Variants in TTLL10 observed in about 807,000 individuals in gnomAD.
TTLL10 encodes inactive polyglycylase TTLL10.
In TTLL10, 61 loss-of-function variants were observed where a neutral mutation model predicts 69.0. The observed-to-expected ratio is 0.88, with a 90% CI of 0.72 to 1.09. The LOEUF (loss-of-function observed/expected upper bound fraction) is 1.09, where lower values mean the gene tolerates loss of function less well. Among genes scored for constraint, TTLL10 ranks in the 50% least tolerant of loss-of-function variants. The pLI, the probability that TTLL10 is intolerant of heterozygous loss-of-function variation, is 0.00. For synonymous variants in TTLL10, 408 were observed against 393.3 expected, an observed-to-expected ratio of 1.04 and a Z score of -0.44; for missense variants, 962 against 945.9, an observed-to-expected ratio of 1.02 and a Z score of -0.22.
In TTLL10 at chr1:1,179,756, G is replaced by A. The variant is rs572766092; in HGVS notation, c.199+19G>A. The A allele has an allele frequency of 2.4e-4, 371 of 1,540,834 alleles. 1 individual carries two copies. The highest frequency in any genetic ancestry group is 3.0e-4 in the Non-Finnish European group (345 of 1,142,714). Reference sequence around the variant, plus strand: ...CCTGTTGGTGAGGAGGGTCGGAGGGGCGACCTCCCTGCCCCCTGCTCCAAG... The same window carrying A: ...CCTGTTGGTGAGGAGGGTCGGAGGGACGACCTCCCTGCCCCCTGCTCCAAG... On this transcript the variant is annotated intron_variant, in intron 5 of 15. Transcript: ENST00000379289.
intron 11 of TTLL10, among the ~76,000 whole-genome samples, chr1:1,183,577 C>T (rs1176900728): frequency 6.6e-6 from 1 of 152,232 alleles, no homozygotes; most frequent in Non-Finnish European, 1.5e-5. Context: ...GGCGAGCTCT[C>T]CGCCTGGCGC....
chr1:1,197,291 C>T, intron 15 of TTLL10, 105 bp downstream of exon 15: 1 of 1,334,514 alleles, frequency 7.5e-7, no homozygotes, highest in Non-Finnish European at 1.0e-6. Flanking sequence ...GCTCTTCCAC[C>T]TCCCGAGGGC....
intron 13 of TTLL10, 195 bp from the exon 14 acceptor site, chr1:1,196,405 G>A: frequency 1.7e-6 from 1 of 590,026 alleles, no homozygotes. Flanking sequence ...CAGGACAGGA[G>A]CTGCACGAGT....
intron 13 of TTLL10, among the ~76,000 whole-genome samples, chr1:1,190,319 C>A (rs1557488642): frequency 1.3e-5 from 2 of 151,116 alleles, no homozygotes; most frequent in Non-Finnish European, 2.9e-5. Flanking sequence ...AATGAACCAA[C>A]TCCTGGTTTC....
chr1:1,177,284 G>C (rs1403223357), intron 3 of TTLL10, among the ~76,000 whole-genome samples: 1 of 152,030 alleles, frequency 6.6e-6, no homozygotes, highest in East Asian at 1.9e-4. Flanking sequence ...GTGTGTCTGT[G>C]CGTGTGTGTG....
At position 1,196,603 on chromosome 1, in the gene TTLL10, C is replaced by T. The variant is rs768973511; in HGVS notation, c.1405C>T (p.Arg469Trp). The change falls in exon 14 of 16, where the codon CGG (arginine) becomes TGG (tryptophan). Residue 469 changes from arginine (R) to tryptophan (W), a missense_variant. By Grantham distance (101) the Arg-to-Trp change is moderately radical (BLOSUM62 -3). Transcript: ENST00000379289. ...KDWVFTTLKKRMQQIMAHCFL... is the reference protein window; with the variant it reads ...KDWVFTTLKKWMQQIMAHCFL... ...ATGCCTCCCTGCCTCCCTGCAGAAG[C>T]GGATGCAGCAGATCATGGCCCACTG... 63 of 1,550,836 alleles carry T rather than the reference C, an allele frequency of 4.1e-5. No homozygotes were observed. Among genetic ancestry groups the T allele is most frequent in the Admixed American group, 7.8e-5 (4 of 50,974 alleles).
At chr1:1,193,170 A>C (rs971316409) in intron 13 of TTLL10, among the ~76,000 whole-genome samples, 3 of 152,114 alleles carry the variant, frequency 2.0e-5, no homozygotes, top group Non-Finnish European at 4.4e-5. Flanking sequence ...CTAAAAATAC[A>C]AAACATTAGC....
intron 13 of TTLL10, among the ~76,000 whole-genome samples, chr1:1,190,723 G>T (rs907467241): frequency 9.2e-5 from 14 of 152,054 alleles, no homozygotes; most frequent in Admixed American, 7.9e-4. Context: ...GCTTAAGGTA[G>T]GTGCTTAGTG....
At chr1:1,196,749 C>T in intron 14 of TTLL10, 33 bp downstream of exon 14, 1 of 1,435,590 alleles carries the variant, frequency 7.0e-7, no homozygotes, top group Non-Finnish European at 9.6e-7. Context: ...GCACAGTAGA[C>T]AGATGCAAGG....
At position 1,180,719 on chromosome 1, in the gene TTLL10, T is replaced by C; in HGVS notation, c.626-12T>C. The stretch of plus-strand genomic sequence containing the variant: ...CGCTCCCTCCACACGAGCCCTGGCC[T>C]CTGACCTCCAGGAGAGCAGCTGCTG... On this transcript the variant is annotated splice_polypyrimidine_tract_variant and intron_variant, in intron 7 of 15. Transcript: ENST00000379289. 1 of 1,601,440 alleles carries C rather than the reference T, an allele frequency of 6.2e-7. No individual in the cohort carries two copies. The highest frequency in any genetic ancestry group is 2.3e-5 in the East Asian group (1 of 43,858).
At chr1:1,175,045 G>A (rs1646832000) in intron 3 of TTLL10, 1 of 153,170 alleles carries the variant, frequency 6.5e-6, no homozygotes, top group Non-Finnish European at 1.5e-5. Context: ...GAACCTGGGA[G>A]GCGGAGGTTA....
chr1:1,177,078 GTC>G (rs1646893163), intron 3 of TTLL10, among the ~76,000 whole-genome samples: 1 of 151,392 alleles, frequency 6.6e-6, no homozygotes, highest in Admixed American at 6.6e-5. Flanking sequence ...GTGTGTGGGT[GTC>G]TGTGTGTGTG....
intron 9 of TTLL10, 23 bp from the exon 10 acceptor site, chr1:1,182,338 C>T (rs1266296832): frequency 1.2e-6 from 2 of 1,607,304 alleles, no homozygotes; most frequent in Non-Finnish European, 1.7e-6. Flanking sequence ...AGCAGCTCAT[C>T]CTCCTGCCTC....
In TTLL10 at chr1:1,197,466, C is replaced by G. The variant is rs1001744096; in HGVS notation, c.1641C>G (p.Ser547Arg). 2 of 1,544,756 alleles carry G rather than the reference C, an allele frequency of 1.3e-6. No individual in the cohort carries two copies. Among genetic ancestry groups the G allele is most frequent in the Non-Finnish European group, 1.7e-6 (2 of 1,145,230 alleles). Residue 547 changes from serine to arginine, a missense_variant, in exon 16 of 16, where the codon AGC becomes AGG. Coordinates refer to ENST00000379289, the MANE Select transcript of TTLL10 (RefSeq NM_001130045.2). ...TGGTGCTCGAGACCTTCCGGAAGAGCCTGCGCGGCCAGAAGATGTTGCCTC... is the reference window on the plus strand; with the variant it reads ...TGGTGCTCGAGACCTTCCGGAAGAGGCTGCGCGGCCAGAAGATGTTGCCTC... ...LDLVLETFRK[S>R]LRGQKMLPLL...
chr1:1,182,018 A>G (rs12097586), intron 9 of TTLL10, among the ~76,000 whole-genome samples: 82,587 of 152,202 alleles, frequency 0.54, 26,938 homozygotes, highest in East Asian at 0.91. Context: ...GGCTCAGGCC[A>G]CGCTCTCCGC....
intron 13 of TTLL10, among the ~76,000 whole-genome samples, chr1:1,193,064 C>T (rs1018845862): frequency 2.6e-5 from 4 of 152,346 alleles, no homozygotes; most frequent in South Asian, 4.1e-4. Flanking sequence ...CGGTGGCTCA[C>T]GCCTGTAATG....
At chr1:1,179,444 T>A (rs1476414881) in intron 4 of TTLL10, 111 bp downstream of exon 4, 1 of 1,259,046 alleles carries the variant, frequency 7.9e-7, no homozygotes, top group Non-Finnish European at 1.1e-6. Context: ...AGGGGCAGGA[T>A]CCACACATGG....
At chr1:1,186,776 T>C (rs1472341231) in intron 13 of TTLL10, among the ~76,000 whole-genome samples, 1 of 152,182 alleles carries the variant, frequency 6.6e-6, no homozygotes, top group Non-Finnish European at 1.5e-5. Context: ...GTATATTCTT[T>C]AGAGAAATGT....
chr1:1,185,587 G>T lies in TTLL10; in HGVS notation c.1401+478G>T. Reference sequence around the variant, plus strand: ...AGGGTTCCTTTCTGTGGGGGTACCTGTGGGGTACTTCAAACAGCCCTAGCA... The same window carrying T: ...AGGGTTCCTTTCTGTGGGGGTACCTTTGGGGTACTTCAAACAGCCCTAGCA... On this transcript the variant is annotated intron_variant, in intron 13 of 15. Transcript: ENST00000379289. This position sits in a 1 kb window ranked among gnomAD's most constrained non-coding sequence, Gnocchi z 6.1. The T allele has an allele frequency of 2.0e-6, 2 of 990,060 alleles. No homozygotes were observed. The highest frequency in any genetic ancestry group is 4.7e-5 in the South Asian group (1 of 21,486). The allele number at this position is 990,060 out of a possible 1,614,324, so 61.3% of individuals were successfully genotyped here.
Sources: allele counts gnomAD v4.1 joint callset (sites outside exome capture counted in the v4.1 genomes callset), GRCh38; gene constraint gnomAD v4.1.1; non-coding constraint Gnocchi (gnomAD v3.1); transcripts MANE v1.5; gene names NCBI Gene and HGNC (gene_info 2026-07-23, HGNC 2026-07-21).